The following PDZD2 variants were observed in gnomAD, a reference collection of about 807,000 sequenced individuals.
The protein encoded by PDZD2 is PDZ domain-containing protein 2.
In PDZD2, 90 loss-of-function variants were observed where a neutral mutation model predicts 220.7. The observed-to-expected ratio is 0.41, with a 90% CI of 0.34 to 0.49. The LOEUF is 0.49. PDZD2 is among the 20% of genes least tolerant of loss of function. The pLI, the probability that PDZD2 is intolerant of heterozygous loss-of-function variation, is 0.28. For missense variants in PDZD2, 3,174 were observed against 3,608.5 expected (o/e 0.88, Z 3.08); for synonymous variants, 1,375 against 1,450.5 (o/e 0.95, Z 1.18).
intron 2 of PDZD2, among the ~76,000 whole-genome samples, chr5:31,826,777 T>A (rs1756252109): frequency 6.6e-6 from 1 of 152,170 alleles, no homozygotes; most frequent in Non-Finnish European, 1.5e-5. Flanking sequence ...GCATTAGGTA[T>A]ATGCTTCTCA....
At position 31,752,068 on chromosome 5, in the gene PDZD2, G is replaced by GTTTTTTTTTTTTTTTTTTTTTTTTTT. The variant is rs1251840861; in HGVS notation, c.-360-46821_-360-46820insTTTTTTTTTTTTTTTTTTTTTTTTTT. 8.9e-4 allele frequency among the ~76,000 whole-genome samples: 85 copies of GTTTTTTTTTTTTTTTTTTTTTTTTTT among 95,930 alleles called. 24 individuals are homozygous for GTTTTTTTTTTTTTTTTTTTTTTTTTT. The highest frequency in any genetic ancestry group is 1.9e-3 in the Admixed American group (13 of 6,954). 62.9% of individuals were successfully genotyped at this position (95,930 alleles called of 152,430 possible). A position where few individuals can be genotyped will look rare whatever the true frequency, so the allele number is the denominator to read the frequency against. On this transcript the variant is annotated intron_variant, in intron 1 of 24. Transcript: ENST00000438447. The stretch of plus-strand genomic sequence containing the variant: ...TTTGTTTGTTTGTTTTATTGTTTTG[G>GTTTTTTTTTTTTTTTTTTTTTTTTTT]GTTTGTTTTTTTTTTTTTTTTTCTG...
At chr5:31,884,231 G>GCATACATACATA (rs368220223) in intron 2 of PDZD2, among the ~76,000 whole-genome samples, 16 of 150,690 alleles carry the variant, frequency 1.1e-4, no homozygotes, top group South Asian at 2.1e-4. Flanking sequence ...CTGCATGCAT[G>GCATACATACATA]CATACATACA....
At chr5:31,905,274 G>T (rs187527018) in intron 2 of PDZD2, among the ~76,000 whole-genome samples, 5 of 152,124 alleles carry the variant, frequency 3.3e-5, no homozygotes, top group African/African-American at 1.2e-4. Flanking sequence ...GTGAGCCACC[G>T]CACTTGGCCA....
intron 20 of PDZD2, among the ~76,000 whole-genome samples, chr5:32,092,273 C>T (rs1743227878): frequency 9.7e-6 from 1 of 103,572 alleles, no homozygotes; most frequent in African/African-American, 4.3e-5. Flanking sequence ...GACTCAATCT[C>T]GAAAAAAAAA....
chr5:31,876,840 G>T (rs1480271418), intron 2 of PDZD2, among the ~76,000 whole-genome samples: 1 of 152,220 alleles, frequency 6.6e-6, no homozygotes, highest in Non-Finnish European at 1.5e-5. Flanking sequence ...TGGAGCCCCA[G>T]TTCTGGGTGG....
chr5:31,850,154 G>GTGTATATA (rs1757939930), intron 2 of PDZD2, among the ~76,000 whole-genome samples: 1 of 121,570 alleles, frequency 8.2e-6, no homozygotes, highest in Non-Finnish European at 1.7e-5. Flanking sequence ...AAGTATATAT[G>GTGTATATA]TGTATATATG....
rs575999098 is a variant in PDZD2, at chr5:31,896,633, C to T, written c.477-86522C>T. 3.1e-4 allele frequency among the ~76,000 whole-genome samples: 47 copies of T among 152,192 alleles called. 1 individual carries two copies. In the South Asian group the frequency reaches 9.2e-3, roughly 30 times the overall value. ...GTTTCTGAGTCTTTAGAGATACATA[C>T]GAATTTTTAAAATTGTGTGTGTTAC... On this transcript the variant is annotated intron_variant, in intron 2 of 24. Transcript: ENST00000438447.
At chr5:31,670,612 G>A (rs529593076) in intron 1 of PDZD2, among the ~76,000 whole-genome samples, 7 of 152,064 alleles carry the variant, frequency 4.6e-5, no homozygotes, top group East Asian at 1.9e-4. Context: ...TAGTAGAGAC[G>A]GGGTTTCACC....
rs1192344525 is a variant in PDZD2 at position 32,087,502 on chromosome 5, C to T, written c.4054C>T (p.Gln1352Ter). Residue 1352 changes from glutamine to a stop codon, truncating the protein, a stop_gained, in exon 20 of 25, where the codon CAG (glutamine) becomes TAG (stop). Coordinates refer to ENST00000438447, the MANE Select transcript of PDZD2 (RefSeq NM_178140.4). LOFTEE classifies it high-confidence loss of function. This position sits in a 1 kb window ranked among gnomAD's most constrained non-coding sequence, Gnocchi z 4.0. ...GDPLTSQEQR[Q>*]GAPGNHSKAL... is the part of the protein sequence containing the mutation. The stretch of plus-strand genomic sequence containing the variant: ...CCCCCTCACATCCCAGGAGCAGAGA[C>T]AGGGAGCTCCAGGTAACCACAGTAA... 6.2e-7 allele frequency: 1 copy of T among 1,612,932 alleles called. No individual in the cohort carries two copies. Among genetic ancestry groups the T allele is most frequent in the South Asian group, 1.1e-5 (1 of 90,906 alleles).
At chr5:31,979,579 CAAAA>C (rs10590418) in intron 2 of PDZD2, among the ~76,000 whole-genome samples, 13 of 138,546 alleles carry the variant, frequency 9.4e-5, no homozygotes, top group Non-Finnish European at 1.3e-4. Flanking sequence ...GACTCTGTCT[CAAAA>C]AAAAAAAAAA....
intron 3 of PDZD2, among the ~76,000 whole-genome samples, chr5:31,989,427 T>C (rs966923168): frequency 1.1e-4 from 16 of 144,778 alleles, no homozygotes; most frequent in African/African-American, 4.3e-4. Context: ...TTTTCTTTTT[T>C]TTTTTTTTTT....
chr5:32,101,086 G>C lies in PDZD2; in HGVS notation c.8219-19G>C, dbSNP rs752069683. 2 of 1,614,080 alleles carry C rather than the reference G, an allele frequency of 1.2e-6. No individual in the cohort carries two copies. The highest frequency in any genetic ancestry group is 2.2e-5 in the South Asian group (2 of 91,076). ...GAACAACCCTGTCATTTTCATCTTG[G>C]TGCACGCTGCGGCTGCAGGGAGAAG... On this transcript the variant is annotated intron_variant, in intron 23 of 24. Coordinates refer to ENST00000438447, the MANE Select transcript of PDZD2 (RefSeq NM_178140.4).
At position 31,705,912 on chromosome 5, in the gene PDZD2, G is replaced by A. The variant is rs143046119; in HGVS notation, c.-361+66475G>A. On this transcript the variant is annotated intron_variant, in intron 1 of 24. Coordinates refer to ENST00000438447, the MANE Select transcript of PDZD2 (RefSeq NM_178140.4). ...TGAAAAATACAAAATTTACCTGGGC[G>A]TGGTGGTGGGTGCCTGTAATCCCAG... 3.7e-3 allele frequency among the ~76,000 whole-genome samples: 559 copies of A among 152,288 alleles called. 3 individuals carry two copies. Among genetic ancestry groups the A allele is most frequent in the African/African-American group, 0.013 (541 of 41,550 alleles).
At chr5:31,803,082 CTTTAT>C (rs1226978571) in intron 2 of PDZD2, among the ~76,000 whole-genome samples, 3 of 146,998 alleles carry the variant, frequency 2.0e-5, no homozygotes, top group Admixed American at 6.8e-5. Context: ...GGCCCAGAGC[CTTTAT>C]TTTATTTTAT....
At chr5:31,946,444 G>A (rs1244387288) in intron 2 of PDZD2, among the ~76,000 whole-genome samples, 1 of 152,218 alleles carries the variant, frequency 6.6e-6, no homozygotes, top group Admixed American at 6.5e-5. Flanking sequence ...CCTCCGGCGG[G>A]TCTGGGTGGG....
rs1381681323 is a variant in PDZD2 at position 32,098,629 on chromosome 5, GCATTGGTAAGATGAT to G, written c.8218_8218+14del. 6.2e-7 allele frequency: 1 copy of G among 1,612,214 alleles called. No homozygotes were observed. Among genetic ancestry groups the G allele is most frequent in the Non-Finnish European group, 8.5e-7 (1 of 1,179,064 alleles). ...AGAAAGACCATCCCCCTGGAGCCTGGCATTGGTAAGATGATCATTTCAACAACCAGCAGGCTGTGA... is the reference window on the plus strand; with the variant it reads ...AGAAAGACCATCCCCCTGGAGCCTGGCATTTCAACAACCAGCAGGCTGTGA... On this transcript the variant is annotated splice_donor_variant and splice_donor_5th_base_variant and coding_sequence_variant and intron_variant, in exon 23 of 25. Coordinates refer to ENST00000438447, the MANE Select transcript of PDZD2 (RefSeq NM_178140.4). LOFTEE classifies it high-confidence loss of function. This position sits in a 1 kb window ranked among gnomAD's most constrained non-coding sequence, Gnocchi z 4.1.
chr5:32,081,816 G>GA, intron 19 of PDZD2, among the ~76,000 whole-genome samples: 1 of 151,260 alleles, frequency 6.6e-6, no homozygotes, highest in East Asian at 2.0e-4. Flanking sequence ...CTGCCTCCCA[G>GA]GTTCATGCCA....
chr5:31,803,419 T>C lies in PDZD2; in HGVS notation c.476+3695T>C, dbSNP rs1243257652. 2.0e-5 allele frequency among the ~76,000 whole-genome samples: 3 copies of C among 151,834 alleles called. No individual in the cohort carries two copies. In the East Asian group the frequency reaches 5.8e-4, roughly 29 times the overall value. On this transcript the variant is annotated intron_variant, in intron 2 of 24. Coordinates refer to ENST00000438447, the MANE Select transcript of PDZD2 (RefSeq NM_178140.4). The stretch of plus-strand genomic sequence containing the variant: ...CACCCATGGGGCTCCATAGGCTTTA[T>C]TGAGGTTTTCATGGGAAGGAACAGA...
In PDZD2 at chr5:32,069,666, AT is replaced by A; in HGVS notation, c.2533+20del. ...CCTGGCTTAGGTACTGTAATCTCAC[AT>A]TTTCATTCAACATTCAGAAGAGTTT... On this transcript the variant is annotated intron_variant, in intron 15 of 24. Coordinates refer to ENST00000438447, the MANE Select transcript of PDZD2 (RefSeq NM_178140.4). 2 of 1,231,388 alleles carry A rather than the reference AT, an allele frequency of 1.6e-6. No homozygotes were observed. Among genetic ancestry groups the A allele is most frequent in the Non-Finnish European group, 2.4e-6 (2 of 830,672 alleles). The allele number at this position is 1,231,388 out of a possible 1,614,324, so 76.3% of individuals were successfully genotyped here.
Sources: allele counts gnomAD v4.1 joint callset (sites outside exome capture counted in the v4.1 genomes callset), GRCh38; gene constraint gnomAD v4.1.1; non-coding constraint Gnocchi (gnomAD v3.1); transcripts MANE v1.5; gene names NCBI Gene and HGNC (gene_info 2026-07-23, HGNC 2026-07-21).